LRAT: variants seen among roughly 807,000 people sequenced by gnomAD.
LRAT encodes lecithin retinol acyltransferase (phosphatidylcholine--retinol O-acyltransferase).
A neutral mutation model predicts 14.2 loss-of-function variants in LRAT; 11 were observed. The observed-to-expected ratio is 0.78, with a 90% CI of 0.49 to 1.29. The LOEUF (loss-of-function observed/expected upper bound fraction) is 1.29. Ranked by LOEUF, LRAT falls within the 50% of genes most tolerant of loss-of-function variation. The pLI is 0.00. For synonymous variants in LRAT, 144 were observed against 124.8 expected, an observed-to-expected ratio of 1.15 and a Z score of -1.03; for missense variants, 274 against 292.4, an observed-to-expected ratio of 0.94 and a Z score of 0.46.
At chr4:154,746,245 G>C (rs181334021) in intron 2 of LRAT, among the ~76,000 whole-genome samples, 295 of 152,198 alleles carry the variant, frequency 1.9e-3, no homozygotes, top group African/African-American at 6.7e-3. Context: ...TTCATGTTTA[G>C]ATATTTTTGG....
At chr4:154,744,906 G>T in intron 2 of LRAT, 40 bp downstream of exon 2, 1 of 1,600,298 alleles carries the variant, frequency 6.2e-7, no homozygotes. Context: ...GCTCCGCGGA[G>T]ATGCCCCCTC....
chr4:154,742,998 C>T (rs2111029821), upstream of LRAT, among the ~76,000 whole-genome samples: 1 of 152,186 alleles, frequency 6.6e-6, no homozygotes, highest in South Asian at 2.1e-4. Context: ...GTTGGGACCC[C>T]GCCGTTTTTC....
Position 154,748,969 on chromosome 4 carries a change from T to A in LRAT, c.541-15T>A. The A allele has an allele frequency of 6.2e-7, 1 of 1,613,182 alleles. No individual in the cohort carries two copies. Among genetic ancestry groups the A allele is most frequent in the South Asian group, 1.1e-5 (1 of 91,062 alleles). ...TTAGCCACCTTTCCTAATTTTCCAA[T>A]ATTTTATTTTCCAGTTTTGTGAGAC... On this transcript the variant is annotated splice_polypyrimidine_tract_variant and intron_variant, in intron 2 of 2. Transcript: ENST00000336356.
intron 2 of LRAT, among the ~76,000 whole-genome samples, chr4:154,745,771 C>T (rs1413924198): frequency 6.6e-6 from 1 of 152,030 alleles, no homozygotes; most frequent in Admixed American, 6.6e-5. Context: ...AGTAAGAGGG[C>T]CCCCCTGGTA....
upstream of LRAT, among the ~76,000 whole-genome samples, chr4:154,743,361 C>A (rs1048236769): frequency 2.0e-5 from 3 of 151,818 alleles, no homozygotes; most frequent in South Asian, 2.1e-4. Flanking sequence ...ATTAGCCAGG[C>A]GTGGTGCCTG....
At chr4:154,744,964 G>C in intron 2 of LRAT, 98 bp downstream of exon 2, 2 of 1,102,814 alleles carry the variant, frequency 1.8e-6, no homozygotes, top group South Asian at 2.5e-5. Flanking sequence ...CTAATTCCTG[G>C]ACACCTCCCC....
At chr4:154,743,283 C>T (rs1732804362), upstream of LRAT, among the ~76,000 whole-genome samples, 1 of 152,042 alleles carries the variant, frequency 6.6e-6, no homozygotes, top group Admixed American at 6.5e-5. Flanking sequence ...GTCAGGAGTT[C>T]GAGACCAGCC....
intron 2 of LRAT, chr4:154,748,424 GT>G: frequency 1.0e-6 from 1 of 986,102 alleles, no homozygotes; most frequent in Non-Finnish European, 1.2e-6. Context: ...CCAGCAGCCA[GT>G]TATGTGTCAC....
At chr4:154,741,470 A>C (rs1732767475), upstream of LRAT, among the ~76,000 whole-genome samples, 1 of 152,226 alleles carries the variant, frequency 6.6e-6, no homozygotes, top group African/African-American at 2.4e-5. Flanking sequence ...TTCTGGCTTA[A>C]AAAATTGGAA....
intron 2 of LRAT, 53 bp from the exon 3 acceptor site, chr4:154,748,931 A>G: frequency 1.3e-6 from 2 of 1,539,106 alleles, no homozygotes; most frequent in Non-Finnish European, 1.8e-6. Context: ...GATATATGTG[A>G]TTCTTCTTGG....
In LRAT at chr4:154,744,584, G is replaced by A. The variant is rs768389044; in HGVS notation, c.258G>A (p.Gly86=). Residue 86 remains glycine (G), a synonymous_variant, in exon 2 of 3, where the codon GGG becomes GGA. Coordinates refer to ENST00000336356, the MANE Select transcript of LRAT (RefSeq NM_004744.5). ...TGTTGGCCCTGACAGACGACATGGG[G>A]CGCACGCAGAAGGTGGTCTCCAACA... is the stretch of plus-strand genomic sequence containing the variant. ...DILLALTDDM[G]RTQKVVSNKR... 3.7e-6 allele frequency: 6 copies of A among 1,614,128 alleles called. No individual in the cohort carries two copies. Among genetic ancestry groups the A allele is most frequent in the Non-Finnish European group, 5.1e-6 (6 of 1,180,032 alleles).
Position 154,747,464 on chromosome 4 carries a change from A to T in LRAT, c.541-1520A>T, listed in dbSNP as rs114506217. Among the ~76,000 whole-genome samples the T allele has an allele frequency of 8.9e-3, 1,350 of 152,138 alleles. 7 individuals are homozygous for T. The highest frequency in any genetic ancestry group is 0.015 in the Non-Finnish European group (986 of 67,950). On this transcript the variant is annotated intron_variant, in intron 2 of 2. Coordinates refer to ENST00000336356, the MANE Select transcript of LRAT (RefSeq NM_004744.5). ...AATTTGTGTGGATTGAGTGCTCACA[A>T]GAGTGTTCCTACAGACTTATTGACC...
At position 154,749,997 on chromosome 4, in the gene LRAT, T is replaced by C. The variant is rs1324814092; in HGVS notation, c.*861T>C. On this transcript the variant is annotated 3_prime_UTR_variant, in exon 3 of 3. Transcript: ENST00000336356. ...GATAAATTGTTCTTGATTGCTTTAT[T>C]ATCATCATACTAGTGTGTTCATTAT... 1 of 152,210 alleles carries C rather than the reference T, an allele frequency of 6.6e-6. No individual in the cohort carries two copies. Among genetic ancestry groups the C allele is most frequent in the Non-Finnish European group, 1.5e-5 (1 of 68,016 alleles). 9.4% of individuals were successfully genotyped at this position (152,210 alleles called of 1,614,324 possible).
chr4:154,745,177 C>A (rs1375432010), intron 2 of LRAT, among the ~76,000 whole-genome samples: 3 of 151,906 alleles, frequency 2.0e-5, no homozygotes, highest in African/African-American at 7.3e-5. Flanking sequence ...CGCCACCACG[C>A]CCGGCTAATT....
chr4:154,745,688 C>G (rs1166484118), intron 2 of LRAT: 2 of 152,214 alleles, frequency 1.3e-5, no homozygotes, highest in Non-Finnish European at 1.5e-5. Context: ...AAATAAGGAA[C>G]CATGCAGTTT....
In LRAT at chr4:154,751,759, A is replaced by G. The variant is rs966797470; in HGVS notation, c.*2623A>G. On this transcript the variant is annotated 3_prime_UTR_variant, in exon 3 of 3. Coordinates refer to ENST00000336356, the MANE Select transcript of LRAT (RefSeq NM_004744.5). ...AAAAAAAAAAAAAAAAAAAAAAAAA[A>G]AAAAAGAAGAAGAAACCCTGAGCCA... 1.4e-4 allele frequency: 21 copies of G among 150,672 alleles called. No homozygotes were observed. The highest frequency in any genetic ancestry group is 2.6e-4 in the Non-Finnish European group (18 of 67,932). The allele number at this position is 150,672 out of a possible 1,614,324, so 9.3% of individuals were successfully genotyped here. A position where few individuals can be genotyped will look rare whatever the true frequency, so the allele number is the denominator to read the frequency against.
At chr4:154,744,253 G>A (rs1371130913) in intron 1 of LRAT, 31 bp downstream of exon 1, 7 of 1,513,964 alleles carry the variant, frequency 4.6e-6, no homozygotes, top group Admixed American at 1.7e-5. Context: ...CCTGCCCGGC[G>A]AGCTTAACTT....
chr4:154,747,399 T>C (rs895716708), intron 2 of LRAT, among the ~76,000 whole-genome samples: 17 of 152,138 alleles, frequency 1.1e-4, no homozygotes, highest in Non-Finnish European at 2.2e-4. Context: ...TTGTTAATAC[T>C]GCTCTTTCAT....
rs751093900 is a variant in LRAT at position 154,748,973 on chromosome 4, T to G, written c.541-11T>G. The G allele has an allele frequency of 1.2e-6, 2 of 1,613,478 alleles. No individual in the cohort carries two copies. Among genetic ancestry groups the G allele is most frequent in the Non-Finnish European group, 1.7e-6 (2 of 1,179,490 alleles). On this transcript the variant is annotated splice_polypyrimidine_tract_variant and intron_variant, in intron 2 of 2. Transcript: ENST00000336356. ...CCACCTTTCCTAATTTTCCAATATT[T>G]TATTTTCCAGTTTTGTGAGACTGTG...
Sources: gnomAD v4.1 joint callset for allele counts (sites outside exome capture counted in the v4.1 genomes callset) on GRCh38, gnomAD v4.1.1 for gene constraint, MANE v1.5 for transcripts, NCBI Gene and HGNC (gene_info 2026-07-23, HGNC 2026-07-21) for gene names.